The following ELMO1 variants were observed in gnomAD, a reference collection of about 807,000 sequenced individuals.
The protein encoded by ELMO1 is engulfment and cell motility protein 1.
A neutral mutation model predicts 98.9 loss-of-function variants in ELMO1; 26 were observed. The observed-to-expected ratio is 0.26, with a 90% CI of 0.19 to 0.36. The LOEUF (loss-of-function observed/expected upper bound fraction) is 0.36. Ranked by LOEUF, ELMO1 falls within the 10% of genes least tolerant of loss-of-function variation. The pLI is 1.00. For missense variants in ELMO1, 627 were observed against 935.2 expected, an observed-to-expected ratio of 0.67 and a Z score of 4.30; for synonymous variants, 346 against 346.0, an observed-to-expected ratio of 1.00 and a Z score of 0.00.
intron 16 of ELMO1, among the ~76,000 whole-genome samples, chr7:36,934,983 G>A (rs540453039): frequency 6.8e-4 from 104 of 152,152 alleles, no homozygotes; most frequent in South Asian, 4.1e-4. Flanking sequence ...CAGGACCACC[G>A]TGGTCTCCAC....
In ELMO1 at chr7:37,222,703, T is replaced by TA; in HGVS notation, c.702-11dup. 6.2e-7 allele frequency: 1 copy of TA among 1,612,100 alleles called. No homozygotes were observed. The highest frequency in any genetic ancestry group is 8.5e-7 in the Non-Finnish European group (1 of 1,178,786). On this transcript the variant is annotated splice_polypyrimidine_tract_variant and intron_variant, in intron 9 of 21. Coordinates refer to ENST00000310758, the MANE Select transcript of ELMO1 (RefSeq NM_014800.11). ...GATTTCTTGATCTGACCTGTAAAGA[T>TA]AGAGAACAATTCAGAAAATCAGAAC...
intron 7 of ELMO1, among the ~76,000 whole-genome samples, chr7:37,239,654 GC>G (rs1562544578): frequency 2.0e-5 from 3 of 152,166 alleles, no homozygotes; most frequent in Admixed American, 6.6e-5. Context: ...AGTATGGAAA[GC>G]CTTGGGACCA....
chr7:36,918,079 G>C (rs1442530822), intron 16 of ELMO1, among the ~76,000 whole-genome samples: 1 of 152,118 alleles, frequency 6.6e-6, no homozygotes, highest in African/African-American at 2.4e-5. Flanking sequence ...TAGCATATTA[G>C]GTGGTTCTCT....
At chr7:37,116,189 T>C (rs1785578640) in intron 14 of ELMO1, among the ~76,000 whole-genome samples, 1 of 152,094 alleles carries the variant, frequency 6.6e-6, no homozygotes, top group Non-Finnish European at 1.5e-5. Context: ...ACTCCTGCAT[T>C]ACAACAATTA....
At chr7:37,013,556 G>C in intron 15 of ELMO1, 121 bp from the exon 16 acceptor site, 2 of 1,205,102 alleles carry the variant, frequency 1.7e-6, no homozygotes, top group Middle Eastern at 4.5e-4. Context: ...AGGCAATAAT[G>C]GTGAAAAAGT....
chr7:37,222,265 G>A (rs1357929474), intron 10 of ELMO1, among the ~76,000 whole-genome samples: 3 of 152,188 alleles, frequency 2.0e-5, no homozygotes, highest in Non-Finnish European at 4.4e-5. Flanking sequence ...CCCATGAAAT[G>A]ACAGAAGGTC....
At chr7:36,962,419 C>T (rs1017765048) in intron 16 of ELMO1, among the ~76,000 whole-genome samples, 5 of 152,100 alleles carry the variant, frequency 3.3e-5, no homozygotes, top group African/African-American at 9.7e-5. Context: ...GATGGGTTAG[C>T]GTGGGAGCCA....
At chr7:36,986,308 C>G in intron 16 of ELMO1, 1 of 962,394 alleles carries the variant, frequency 1.0e-6, no homozygotes, top group Non-Finnish European at 1.2e-6. Flanking sequence ...AAGAGCTTTT[C>G]TCTTAGAGTA....
At chr7:36,919,499 C>T in intron 16 of ELMO1, 1 of 453,734 alleles carries the variant, frequency 2.2e-6, no homozygotes, top group Non-Finnish European at 4.8e-6. Flanking sequence ...GGTTCTCTCA[C>T]TTATGGGCTA....
intron 8 of ELMO1, among the ~76,000 whole-genome samples, chr7:37,228,984 T>A (rs1794019675): frequency 6.6e-6 from 1 of 151,996 alleles, no homozygotes; most frequent in Non-Finnish European, 1.5e-5. Flanking sequence ...GGAGCGAGAC[T>A]CTGTCTCAAA....
intron 15 of ELMO1, among the ~76,000 whole-genome samples, chr7:37,060,276 G>A (rs969257708): frequency 6.6e-6 from 1 of 152,116 alleles, no homozygotes; most frequent in African/African-American, 2.4e-5. Flanking sequence ...ATGGGTGTAC[G>A]GAATTTTAAA....
chr7:36,906,907 C>T (rs896339650), intron 16 of ELMO1, among the ~76,000 whole-genome samples: 1 of 152,118 alleles, frequency 6.6e-6, no homozygotes, highest in African/African-American at 2.4e-5. Flanking sequence ...CGTTTCTTTG[C>T]TTTTAGAAAT....
intron 1 of ELMO1, among the ~76,000 whole-genome samples, chr7:37,387,562 C>T (rs1321237326): frequency 6.6e-6 from 1 of 152,138 alleles, no homozygotes; most frequent in African/African-American, 2.4e-5. Context: ...AGGAAACATT[C>T]TAAGGGCCTG....
chr7:37,364,864 T>C (rs183215137), intron 1 of ELMO1, among the ~76,000 whole-genome samples: 31 of 152,314 alleles, frequency 2.0e-4, no homozygotes, highest in Admixed American at 3.3e-4. Context: ...GCTCAGAATG[T>C]TTTTGTAAAC....
At chr7:37,204,578 A>G (rs1304976888) in intron 13 of ELMO1, among the ~76,000 whole-genome samples, 3 of 151,998 alleles carry the variant, frequency 2.0e-5, no homozygotes, top group Admixed American at 1.3e-4. Context: ...ATGGAAGGCG[A>G]CCCAAAGGGG....
chr7:37,334,179 G>A (rs558773648), intron 2 of ELMO1, among the ~76,000 whole-genome samples: 4 of 152,284 alleles, frequency 2.6e-5, no homozygotes, highest in African/African-American at 9.6e-5. Flanking sequence ...AAGCTCAGGA[G>A]CCCCTGACCT....
rs999270825 is a variant in ELMO1, at chr7:37,367,473, G to T, written c.-73-24710C>A. Among the ~76,000 whole-genome samples the T allele has an allele frequency of 6.6e-5, 10 of 152,334 alleles. 1 individual carries two copies. The South Asian group carries it at 2.1e-3, about 32-fold the overall frequency. On this transcript the variant is annotated intron_variant, in intron 1 of 21. Transcript: ENST00000310758. Reference sequence around the variant, plus strand: ...ATATCTGGCAAGTGAATAAGTGAATGAAGGAAGAAAAGGATCAGAATGGAA... The same window carrying T: ...ATATCTGGCAAGTGAATAAGTGAATTAAGGAAGAAAAGGATCAGAATGGAA...
chr7:37,446,047 TAA>T (rs1805598601), intron 1 of ELMO1, among the ~76,000 whole-genome samples: 1 of 152,158 alleles, frequency 6.6e-6, no homozygotes, highest in Non-Finnish European at 1.5e-5. Flanking sequence ...GAACAGAGTC[TAA>T]AAGAAGAGTG....
chr7:37,210,510 T>C (rs1468546899), intron 13 of ELMO1, among the ~76,000 whole-genome samples: 1 of 151,184 alleles, frequency 6.6e-6, no homozygotes, highest in African/African-American at 2.4e-5. Context: ...TGTGTGTATA[T>C]ATATATATTT....
Sources: allele counts gnomAD v4.1 joint callset (sites outside exome capture counted in the v4.1 genomes callset), GRCh38; gene constraint gnomAD v4.1.1; transcripts MANE v1.5; gene names NCBI Gene and HGNC (gene_info 2026-07-23, HGNC 2026-07-21).